Variants in KCTD1 observed in about 807,000 individuals in gnomAD.
KCTD1 encodes the protein potassium channel tetramerization domain containing 1.
Under a neutral mutation model 66.0 loss-of-function variants are expected in KCTD1, and 24 were observed. The observed-to-expected ratio is 0.36, with a 90% CI of 0.26 to 0.51. The LOEUF (loss-of-function observed/expected upper bound fraction) is 0.51. Among genes scored for constraint, KCTD1 ranks in the 20% least tolerant of loss-of-function variants. The pLI is 0.95. For missense variants in KCTD1, 943 were observed against 1,205.2 expected (o/e 0.78, Z 3.22); for synonymous variants, 511 against 517.2 (o/e 0.99, Z 0.16).
chr18:26,632,164 C>G (rs1334140260), upstream of KCTD1, among the ~76,000 whole-genome samples: 2 of 151,860 alleles, frequency 1.3e-5, no homozygotes. Context: ...GCGGGCAGAT[C>G]ACTTGAGGTC....
chr18:26,611,898 G>C (rs944212101), intron 1 of KCTD1, among the ~76,000 whole-genome samples: 12 of 152,076 alleles, frequency 7.9e-5, no homozygotes, highest in African/African-American at 1.9e-4. Flanking sequence ...CGATCTTTTG[G>C]GGTTTTGCTT....
chr18:26,540,482 T>C (rs1313267239), intron 1 of KCTD1, among the ~76,000 whole-genome samples: 1 of 152,126 alleles, frequency 6.6e-6, no homozygotes, highest in East Asian at 1.9e-4. Context: ...GCGAGTGTTT[T>C]TCAATGAAAG....
intron 1 of KCTD1, among the ~76,000 whole-genome samples, chr18:26,542,773 T>A (rs1222588853): frequency 6.6e-6 from 1 of 152,208 alleles, no homozygotes; most frequent in Admixed American, 6.5e-5. Context: ...ATCCACTTTC[T>A]CCCTGGCAAC....
At chr18:26,552,342 T>A (rs1216122696), upstream of KCTD1, among the ~76,000 whole-genome samples, 1 of 152,242 alleles carries the variant, frequency 6.6e-6, no homozygotes, top group East Asian at 1.9e-4. Flanking sequence ...TATAGTTGGT[T>A]TTTATCTGCC....
At chr18:26,545,356 C>G (rs1469713113) in intron 1 of KCTD1, 2 of 152,176 alleles carry the variant, frequency 1.3e-5, no homozygotes, top group Non-Finnish European at 2.9e-5. Context: ...CACAACCTGT[C>G]AGAAATAGAC....
upstream of KCTD1, chr18:26,549,371 T>C: frequency 1.0e-6 from 1 of 985,438 alleles, no homozygotes; most frequent in Non-Finnish European, 1.2e-6. Context: ...AACAGCCACA[T>C]TTAAGCTGTC....
At chr18:26,577,076 G>A (rs1174052662) in intron 1 of KCTD1, among the ~76,000 whole-genome samples, 1 of 152,146 alleles carries the variant, frequency 6.6e-6, no homozygotes, top group Non-Finnish European at 1.5e-5. Context: ...AGTGGTTTAT[G>A]TTTAGTTATT....
chr18:26,577,739 G>GTTTGTTTGTTTTT (rs372539789), intron 1 of KCTD1, among the ~76,000 whole-genome samples: 9 of 151,386 alleles, frequency 5.9e-5, no homozygotes, highest in African/African-American at 1.9e-4. Flanking sequence ...TTTTTTGTTT[G>GTTTGTTTGTTTTT]TTTTTTTGTT....
chr18:26,527,577 CA>C (rs1321104633), intron 1 of KCTD1, among the ~76,000 whole-genome samples: 2 of 151,618 alleles, frequency 1.3e-5, no homozygotes, highest in African/African-American at 4.9e-5. Flanking sequence ...ACCATAATGG[CA>C]GAGACATGTC....
chr18:26,522,481 T>C (rs139928809), intron 1 of KCTD1, among the ~76,000 whole-genome samples: 1 of 152,200 alleles, frequency 6.6e-6, no homozygotes, highest in East Asian at 1.9e-4. Flanking sequence ...CCTTCAGAAC[T>C]GTGAGACAAT....
upstream of KCTD1, chr18:26,549,836 C>T (rs1003105790): frequency 4.9e-5 from 48 of 984,392 alleles, no homozygotes; most frequent in Non-Finnish European, 5.8e-5. Context: ...CTCGCCGGGT[C>T]TCGCTTTCCC....
At chr18:26,521,727 TG>T (rs1268854376) in intron 1 of KCTD1, among the ~76,000 whole-genome samples, 4 of 152,212 alleles carry the variant, frequency 2.6e-5, no homozygotes, top group Non-Finnish European at 5.9e-5. Context: ...ATAGGCTGTA[TG>T]ATTTCATTTA....
In KCTD1 at chr18:26,555,056, T is replaced by C. The variant is rs143121104; in HGVS notation, c.-15-53806A>G. ...TAAATAAAATTTTATTTCAGTGTCA[T>C]TGGAATACTAATTATGGTGGAAAAG... On this transcript the variant is annotated intron_variant, in intron 1 of 4. Transcript: ENST00000317932. 4.7e-3 allele frequency among the ~76,000 whole-genome samples: 709 copies of C among 152,322 alleles called. 4 individuals carry two copies. The highest frequency in any genetic ancestry group is 0.016 in the African/African-American group (671 of 41,560).
intron 1 of KCTD1, among the ~76,000 whole-genome samples, chr18:26,507,614 T>G (rs1453667412): frequency 6.6e-6 from 1 of 152,072 alleles, no homozygotes; most frequent in Non-Finnish European, 1.5e-5. Context: ...TGGCCTCAAG[T>G]GATCAAATGC....
At chr18:26,548,656 AG>A, upstream of KCTD1, 1 of 1,055,992 alleles carries the variant, frequency 9.5e-7, no homozygotes, top group African/African-American at 1.7e-5. Flanking sequence ...CTCTTAAAGG[AG>A]CCGCGCTCCA....
intron 1 of KCTD1, among the ~76,000 whole-genome samples, chr18:26,635,888 G>GC (rs1241008833): frequency 1.3e-5 from 2 of 152,056 alleles, no homozygotes; most frequent in South Asian, 2.1e-4. Flanking sequence ...TTATCATGAA[G>GC]CCCCCCAACC....
At chr18:26,591,081 G>T (rs1188367215) in intron 1 of KCTD1, among the ~76,000 whole-genome samples, 1 of 152,072 alleles carries the variant, frequency 6.6e-6, no homozygotes, top group Non-Finnish European at 1.5e-5. Context: ...CTGTTGCTCA[G>T]GCTGGAGTGC....
chr18:26,501,516 A>C (rs1982761509), intron 1 of KCTD1, among the ~76,000 whole-genome samples: 1 of 152,262 alleles, frequency 6.6e-6, no homozygotes, highest in Non-Finnish European at 1.5e-5. Flanking sequence ...GGCTTATTAT[A>C]CTAAGAAATT....
In KCTD1 at chr18:26,567,573, C is replaced by T. The variant is rs569370274; in HGVS notation, c.-16+61574G>A. 4.0e-5 allele frequency among the ~76,000 whole-genome samples: 6 copies of T among 151,418 alleles called. No homozygotes were observed. The East Asian group carries it at 9.7e-4, about 24-fold the overall frequency. On this transcript the variant is annotated intron_variant, in intron 1 of 4. Coordinates refer to the KCTD1 transcript ENST00000317932. ...CATGATCTCGGCTCACTGCAACCTC[C>T]GCCTCCTGGATTCAAGCAATTCTCC...
Sources: gnomAD v4.1 joint callset for allele counts (sites outside exome capture counted in the v4.1 genomes callset) on GRCh38, gnomAD v4.1.1 for gene constraint, MANE v1.5 for transcripts, NCBI Gene and HGNC (gene_info 2026-07-23, HGNC 2026-07-21) for gene names.